PCDHAC1: variants seen among roughly 807,000 people sequenced by gnomAD.
The protein encoded by PCDHAC1 is protocadherin alpha subfamily C, 1.
In PCDHAC1, 42 loss-of-function variants were observed where a neutral mutation model predicts 60.0. That is an observed-to-expected ratio of 0.70 (90% CI 0.55 to 0.90). PCDHAC1 has a LOEUF of 0.90. Among genes scored for constraint, PCDHAC1 ranks in the 40% least tolerant of loss-of-function variants. The pLI, the probability that PCDHAC1 is intolerant of heterozygous loss-of-function variation, is 0.00. For missense variants in PCDHAC1, 1,160 were observed against 1,222.3 expected, an observed-to-expected ratio of 0.95 and a Z score of 0.76; for synonymous variants, 468 against 499.3, an observed-to-expected ratio of 0.94 and a Z score of 0.84.
chr5:140,939,488 T>C (rs1554212750), intron 1 of PCDHAC1, among the ~76,000 whole-genome samples: 1 of 151,188 alleles, frequency 6.6e-6, no homozygotes, highest in Non-Finnish European at 1.5e-5. Flanking sequence ...AGAATGTTAA[T>C]TATAAATTCA....
chr5:140,978,967 G>C lies in PCDHAC1; in HGVS notation c.2452G>C (p.Asp818His), dbSNP rs782109224. 1.9e-6 allele frequency: 3 copies of C among 1,614,038 alleles called. No homozygotes were observed. The highest frequency in any genetic ancestry group is 1.1e-5 in the South Asian group (1 of 91,066). The stretch of plus-strand genomic sequence containing the variant: ...TTTGCAGCCACGACAGCCCAACCCT[G>C]ACTGGCGTTACTCTGCCTCCCTGAG... ...VNAMPRQPNPDWRYSASLRAG... is the reference protein window; with the variant it reads ...VNAMPRQPNPHWRYSASLRAG... The change falls in exon 2 of 4, where the codon GAC (aspartate) becomes CAC (histidine). Residue 818 changes from aspartate to histidine, a missense_variant. Asp to His is a moderately conservative substitution (Grantham distance 81). Coordinates refer to ENST00000253807, the MANE Select transcript of PCDHAC1 (RefSeq NM_018898.5).
intron 1 of PCDHAC1, among the ~76,000 whole-genome samples, chr5:140,951,775 A>G (rs1554220072): frequency 1.3e-5 from 2 of 152,164 alleles, no homozygotes; most frequent in African/African-American, 4.8e-5. Context: ...ACGTTCTTAC[A>G]TTGCAAAATA....
At chr5:140,949,663 T>C (rs1038571728) in intron 1 of PCDHAC1, among the ~76,000 whole-genome samples, 2 of 151,872 alleles carry the variant, frequency 1.3e-5, no homozygotes, top group Non-Finnish European at 3.0e-5. Flanking sequence ...TTTGTTTCTT[T>C]AAAGTATGCC....
At chr5:140,987,960 C>G (rs2097275437) in intron 3 of PCDHAC1, among the ~76,000 whole-genome samples, 1 of 152,120 alleles carries the variant, frequency 6.6e-6, no homozygotes, top group African/African-American at 2.4e-5. Flanking sequence ...AACCAACTCC[C>G]CATGGAAAGA....
chr5:141,010,381 T>C lies in PCDHAC1; in HGVS notation c.*444T>C. On this transcript the variant is annotated 3_prime_UTR_variant, in exon 4 of 4. Transcript: ENST00000253807. ...ACCGCGGGTATGCGAGTGCCAGATA[T>C]TGGCTGAGACGAGCCAGCTTAGACT... 2.8e-6 allele frequency: 4 copies of C among 1,442,848 alleles called. No homozygotes were observed. The highest frequency in any genetic ancestry group is 2.8e-6 in the Non-Finnish European group (3 of 1,086,990). The allele number at this position is 1,442,848 out of a possible 1,614,324, so 89.4% of individuals were successfully genotyped here.
At position 140,928,036 on chromosome 5, in the gene PCDHAC1, G is replaced by T; in HGVS notation, c.1144G>T (p.Ala382Ser). Residue 382 changes from alanine (A) to serine (S), a missense_variant, in exon 1 of 4, where the codon GCA (alanine) becomes TCA (serine). Physicochemically the swap from Ala to Ser is moderately conservative, Grantham distance 99. Around this residue, in one of 3 missense-constraint regions of PCDHAC1, gnomAD observed 1,113 missense variants for 1,163.7 expected, o/e 0.96. Transcript: ENST00000253807. ...TAGGGTCATTTGTGGCATGTCTAGT[G>T]CAGGCCCTTTTCAGCTGACGGCTTC... ...NGRVICGMSS[A>S]GPFQLTASFD... 6.2e-7 allele frequency: 1 copy of T among 1,614,158 alleles called. No individual in the cohort carries two copies. Among genetic ancestry groups the T allele is most frequent in the Non-Finnish European group, 8.5e-7 (1 of 1,180,028 alleles).
At chr5:140,945,304 C>T (rs993719774) in intron 1 of PCDHAC1, among the ~76,000 whole-genome samples, 3 of 151,880 alleles carry the variant, frequency 2.0e-5, no homozygotes, top group African/African-American at 7.3e-5. Flanking sequence ...TTGAAGAAGA[C>T]ACAAATAAAT....
chr5:140,929,162 G>T lies in PCDHAC1; in HGVS notation c.2270G>T (p.Arg757Leu), dbSNP rs2153599635. The change falls in exon 1 of 4, where the codon CGG becomes CTG. Residue 757 changes from arginine (R) to leucine (L), a missense_variant. By Grantham distance (102) the Arg-to-Leu change is moderately radical. Coordinates refer to ENST00000253807, the MANE Select transcript of PCDHAC1 (RefSeq NM_018898.5). ...AGACTTTCTCAGACTTATCTCTATC[G>T]GGCCTCTCTGGGACTTGGTTCTGAT... Reference protein sequence around the residue: ...VERLSQTYLYRASLGLGSDNN... With the variant: ...VERLSQTYLYLASLGLGSDNN... 4 of 1,614,060 alleles carry T rather than the reference G, an allele frequency of 2.5e-6. No individual in the cohort carries two copies. The highest frequency in any genetic ancestry group is 3.4e-6 in the Non-Finnish European group (4 of 1,180,018).
At chr5:140,936,959 A>C (rs2091230080) in intron 1 of PCDHAC1, among the ~76,000 whole-genome samples, 1 of 152,174 alleles carries the variant, frequency 6.6e-6, no homozygotes, top group Non-Finnish European at 1.5e-5. Flanking sequence ...TCTTTATTGA[A>C]TCTATAAAAA....
intron 1 of PCDHAC1, among the ~76,000 whole-genome samples, chr5:140,972,991 T>C (rs142551667): frequency 6.6e-6 from 1 of 152,222 alleles, no homozygotes; most frequent in Non-Finnish European, 1.5e-5. Context: ...GTAGATTCTG[T>C]GCATTTGTGG....
intron 3 of PCDHAC1, among the ~76,000 whole-genome samples, chr5:140,995,578 T>C (rs1554254730): frequency 1.3e-5 from 2 of 152,256 alleles, no homozygotes; most frequent in African/African-American, 4.8e-5. Flanking sequence ...AGATGAGCTA[T>C]GAGCTTTTAA....
chr5:140,979,615 A>G (rs965487699), intron 2 of PCDHAC1, among the ~76,000 whole-genome samples: 1 of 152,258 alleles, frequency 6.6e-6, no homozygotes, highest in Non-Finnish European at 1.5e-5. Context: ...GAGTAACGGT[A>G]TTAGTCTAAG....
At chr5:140,945,664 C>T (rs1342424562) in intron 1 of PCDHAC1, among the ~76,000 whole-genome samples, 1 of 152,048 alleles carries the variant, frequency 6.6e-6, no homozygotes, top group Admixed American at 6.5e-5. Context: ...ATACAGCTCC[C>T]AGAAATAAAT....
intron 1 of PCDHAC1, among the ~76,000 whole-genome samples, chr5:140,937,108 G>A (rs1014984809): frequency 7.3e-5 from 11 of 151,276 alleles, no homozygotes; most frequent in Non-Finnish European, 1.5e-4. Context: ...CGCAGTCTCG[G>A]CTCACTGCAA....
intron 1 of PCDHAC1, 78 bp from the exon 2 acceptor site, chr5:140,978,871 T>A (rs1328301924): frequency 6.2e-7 from 1 of 1,606,392 alleles, no homozygotes; most frequent in Non-Finnish European, 8.5e-7. Context: ...TTTAAGGGAG[T>A]AACTAATCAA....
intron 1 of PCDHAC1, among the ~76,000 whole-genome samples, chr5:140,939,008 T>C (rs1348323675): frequency 6.6e-6 from 1 of 152,234 alleles, no homozygotes; most frequent in Non-Finnish European, 1.5e-5. Context: ...TTAAGAAGTG[T>C]TACTTTTCTT....
At chr5:140,981,824 C>T (rs1350256595) in intron 2 of PCDHAC1, among the ~76,000 whole-genome samples, 4 of 152,108 alleles carry the variant, frequency 2.6e-5, no homozygotes, top group African/African-American at 7.2e-5. Flanking sequence ...CTCTGCTTGC[C>T]TCTAAAGGTC....
At chr5:140,936,311 T>C (rs1451314089) in intron 1 of PCDHAC1, among the ~76,000 whole-genome samples, 1 of 152,228 alleles carries the variant, frequency 6.6e-6, no homozygotes, top group African/African-American at 2.4e-5. Flanking sequence ...AATAGAACTT[T>C]CTGACATGCT....
At position 140,928,790 on chromosome 5, in the gene PCDHAC1, G is replaced by T. The variant is rs370207805; in HGVS notation, c.1898G>T (p.Arg633Met). The T allele has an allele frequency of 9.3e-6, 15 of 1,614,058 alleles. No homozygotes were observed. Among genetic ancestry groups the T allele is most frequent in the Non-Finnish European group, 1.2e-5 (14 of 1,180,044 alleles). Residue 633 changes from arginine (R) to methionine (M), a missense_variant, in exon 1 of 4, where the codon AGG (arginine) becomes ATG (methionine). Arg to Met is a moderately conservative substitution (Grantham distance 91). Around this residue, in one of 3 missense-constraint regions of PCDHAC1, gnomAD observed 1,113 missense variants for 1,163.7 expected, o/e 0.96. Coordinates refer to ENST00000253807, the MANE Select transcript of PCDHAC1 (RefSeq NM_018898.5). The stretch of plus-strand genomic sequence containing the variant: ...CTTCCCACTGATGCAGTTAAGCAGA[G>T]GGTGGTGGTAGTGGTTCGGGACCAT... Reference protein sequence around the residue: ...LVLPTDAVKQRVVVVVRDHGD... With the variant: ...LVLPTDAVKQMVVVVVRDHGD...
Sources: allele counts gnomAD v4.1 joint callset (sites outside exome capture counted in the v4.1 genomes callset), GRCh38; gene constraint gnomAD v4.1.1; regional missense constraint gnomAD v4.1.1; transcripts MANE v1.5; gene names NCBI Gene and HGNC (gene_info 2026-07-23, HGNC 2026-07-21).